XPO4: variants seen among roughly 807,000 people sequenced by gnomAD.
The protein encoded by XPO4 is exportin 4, also known as exportin-4.
In XPO4, 39 loss-of-function variants were observed where a neutral mutation model predicts 143.0. That is an observed-to-expected ratio of 0.27 (90% CI 0.21 to 0.36). The LOEUF (loss-of-function observed/expected upper bound fraction) is 0.36, where lower values mean the gene tolerates loss of function less well. XPO4 is among the 10% of genes least tolerant of loss of function. The probability of loss-of-function intolerance (pLI) is 1.00; values close to 1 mark genes in which losing one functional copy is unlikely to be tolerated. For missense variants in XPO4, 907 were observed against 1,348.0 expected, an observed-to-expected ratio of 0.67 and a Z score of 5.12; for synonymous variants, 439 against 474.0, an observed-to-expected ratio of 0.93 and a Z score of 0.96.
At chr13:20,838,940 A>C (rs748672386) in intron 6 of XPO4, among the ~76,000 whole-genome samples, 12 of 152,180 alleles carry the variant, frequency 7.9e-5, no homozygotes, top group Non-Finnish European at 1.6e-4. Context: ...ATGCTACAAA[A>C]TGGATGAATC....
intron 8 of XPO4, 95 bp downstream of exon 8, chr13:20,822,037 T>C: frequency 6.2e-6 from 9 of 1,455,360 alleles, no homozygotes; most frequent in Admixed American, 2.4e-5. Flanking sequence ...CTTCAAAATA[T>C]AAGGGGGAAA....
At chr13:20,824,080 A>G (rs966151926) in intron 7 of XPO4, among the ~76,000 whole-genome samples, 14 of 152,394 alleles carry the variant, frequency 9.2e-5, no homozygotes, top group South Asian at 2.1e-4. Context: ...TGCAAAGCCT[A>G]AAGTGTTTAC....
At chr13:20,842,810 G>T in intron 6 of XPO4, 85 bp downstream of exon 6, 1 of 1,198,920 alleles carries the variant, frequency 8.3e-7, no homozygotes, top group South Asian at 2.2e-5. Flanking sequence ...TTTTATGAAA[G>T]CTGCAGAGGT....
chr13:20,848,854 A>G (rs2060055523), intron 4 of XPO4: 1 of 985,316 alleles, frequency 1.0e-6, no homozygotes, highest in Non-Finnish European at 1.2e-6. Flanking sequence ...AGACAATGCA[A>G]TGAGGTGTCA....
chr13:20,894,520 C>T (rs1260058784), intron 1 of XPO4, among the ~76,000 whole-genome samples: 1 of 152,090 alleles, frequency 6.6e-6, no homozygotes, highest in Admixed American at 6.6e-5. Context: ...AATTGCAGGA[C>T]ATTCAAGGAA....
chr13:20,838,859 T>C (rs543054004), intron 6 of XPO4, among the ~76,000 whole-genome samples: 1 of 152,042 alleles, frequency 6.6e-6, no homozygotes, highest in Admixed American at 6.5e-5. Flanking sequence ...AACTGATAAA[T>C]GGATTAAAAA....
chr13:20,838,478 C>T (rs1240013765), intron 6 of XPO4, among the ~76,000 whole-genome samples: 4 of 151,630 alleles, frequency 2.6e-5, no homozygotes, highest in Admixed American at 2.0e-4. Flanking sequence ...GGCGTGGTGG[C>T]GGGCACCTGT....
At chr13:20,863,525 G>T (rs2060219837) in intron 2 of XPO4, among the ~76,000 whole-genome samples, 1 of 152,134 alleles carries the variant, frequency 6.6e-6, no homozygotes, top group African/African-American at 2.4e-5. Flanking sequence ...TATAGTATCT[G>T]ATCTAAAATC....
chr13:20,851,725 A>AG (rs2060090988), intron 4 of XPO4: 629 of 922,264 alleles, frequency 6.8e-4, no homozygotes, highest in Non-Finnish European at 7.7e-4. Context: ...AAAAAAAAAA[A>AG]AAAAAGAAAG....
At chr13:20,804,951 GT>G (rs61182275) in intron 13 of XPO4, among the ~76,000 whole-genome samples, 15 of 145,576 alleles carry the variant, frequency 1.0e-4, no homozygotes, top group African/African-American at 1.0e-4. Context: ...TTTGCATTTT[GT>G]TTTTTTTTTT....
intron 1 of XPO4, among the ~76,000 whole-genome samples, chr13:20,896,602 A>G (rs2060572125): frequency 6.6e-6 from 1 of 152,210 alleles, no homozygotes; most frequent in Admixed American, 6.5e-5. Flanking sequence ...TTTCCAAAGA[A>G]CTAATGGTTC....
intron 9 of XPO4, among the ~76,000 whole-genome samples, chr13:20,811,816 G>T (rs977390437): frequency 2.0e-5 from 3 of 152,146 alleles, no homozygotes; most frequent in African/African-American, 7.2e-5. Context: ...AAGGATGGGG[G>T]TGTTGGACAG....
At position 20,809,809 on chromosome 13, in the gene XPO4, T is replaced by C. The variant is rs778146810; in HGVS notation, c.1332A>G (p.Pro444=). The C allele has an allele frequency of 8.7e-6, 14 of 1,609,978 alleles. No homozygotes were observed. Among genetic ancestry groups the C allele is most frequent in the Non-Finnish European group, 8.5e-6 (10 of 1,178,528 alleles). Residue 444 remains proline (P), a synonymous_variant, in exon 10 of 23, where the codon CCA becomes CCG. Coordinates refer to ENST00000255305, the MANE Select transcript of XPO4 (RefSeq NM_022459.5). ...AACTCACCAAATTTCTTGTGCCATC[T>C]GGAGCAGCTAGGTGGCACTGAATAT... ...NSYIQCHLAA[P]DGTRNLTANG... is the part of the protein sequence containing the mutation.
intron 9 of XPO4, among the ~76,000 whole-genome samples, chr13:20,813,278 C>G (rs2059606980): frequency 6.6e-6 from 1 of 152,128 alleles, no homozygotes; most frequent in Non-Finnish European, 1.5e-5. Context: ...CAAACCATCT[C>G]AATCTGAAAC....
chr13:20,851,249 T>C (rs1250705836), intron 4 of XPO4: 12 of 985,316 alleles, frequency 1.2e-5, no homozygotes, highest in Admixed American at 6.1e-5. Context: ...CAAGGACAAA[T>C]AGGGACAGTG....
Position 20,821,803 on chromosome 13 carries a change from A to G in XPO4, c.1074T>C (p.Asn358=). 1 of 1,614,112 alleles carries G rather than the reference A, an allele frequency of 6.2e-7. No homozygotes were observed. The highest frequency in any genetic ancestry group is 8.5e-7 in the Non-Finnish European group (1 of 1,179,978). Residue 358 remains asparagine (N), a synonymous_variant, in exon 9 of 23, where the codon AAT becomes AAC. Transcript: ENST00000255305. The stretch of plus-strand genomic sequence containing the variant: ...GTTCACTTGGAATGGCAGTTAAAAC[A>G]TTTCGTGGGAACACGGTTATCAGGT... The part of the protein sequence containing the change: ...ISNLITVFPR[N]VLTAIPSELF...
intron 15 of XPO4, 112 bp downstream of exon 15, chr13:20,800,043 TG>T: frequency 8.2e-7 from 1 of 1,221,396 alleles, no homozygotes; most frequent in Non-Finnish European, 1.1e-6. Flanking sequence ...AGGCTCTATC[TG>T]GAATTAGGAC....
chr13:20,868,788 T>C, intron 1 of XPO4, 87 bp from the exon 2 acceptor site: 2 of 1,285,246 alleles, frequency 1.6e-6, no homozygotes, highest in South Asian at 2.7e-5. Flanking sequence ...GAACAGAAAA[T>C]GCCTTCACTT....
chr13:20,868,861 T>A lies in XPO4; in HGVS notation c.70-160A>T, dbSNP rs543918851. Reference sequence around the variant, plus strand: ...TAAGGAATTATAGTATAAAACTTGATAATAAATGTTTAAAACATGGTTTCA... The same window carrying A: ...TAAGGAATTATAGTATAAAACTTGAAAATAAATGTTTAAAACATGGTTTCA... On this transcript the variant is annotated intron_variant, in intron 1 of 22. Transcript: ENST00000255305. Among the ~76,000 whole-genome samples the A allele has an allele frequency of 2.0e-5, 3 of 152,278 alleles. No homozygotes were observed. The South Asian group carries it at 6.2e-4, about 32-fold the overall frequency.
Sources: allele counts gnomAD v4.1 joint callset (sites outside exome capture counted in the v4.1 genomes callset), GRCh38; gene constraint gnomAD v4.1.1; transcripts MANE v1.5; gene names NCBI Gene and HGNC (gene_info 2026-07-23, HGNC 2026-07-21).